EPG5: variants seen among roughly 807,000 people sequenced by gnomAD.
EPG5 encodes the protein ectopic P-granules 5 autophagy tethering factor, also known as ectopic P granules protein 5 homolog.
EPG5 carries 159 observed loss-of-function variants against 302.7 expected under a neutral mutation model. That is an observed-to-expected ratio of 0.53 (90% confidence interval 0.46 to 0.60). The LOEUF is 0.60. EPG5 is among the 20% of genes least tolerant of loss of function. The pLI is 0.00. For missense variants in EPG5, 2,896 were observed against 3,092.4 expected, an observed-to-expected ratio of 0.94 and a Z score of 1.51; for synonymous variants, 1,158 against 1,136.8, an observed-to-expected ratio of 1.02 and a Z score of -0.37.
At position 45,852,176 on chromosome 18, in the gene EPG5, C is replaced by T. The variant is rs182654539; in HGVS notation, c.*291G>A. The T allele has an allele frequency of 2.3e-4, 56 of 245,502 alleles. No homozygotes were observed. The Admixed American group carries it at 2.6e-3, about 11-fold the overall frequency. The allele number at this position is 245,502 out of a possible 1,614,324, so 15.2% of individuals were successfully genotyped here. On this transcript the variant is annotated 3_prime_UTR_variant, in exon 44 of 44. Coordinates refer to ENST00000282041, the MANE Select transcript of EPG5 (RefSeq NM_020964.3). ...GGTCTTGTGAGATGACTGGGACATT[C>T]GGCAACTGTGAGTGGCTCTGCACCC...
intron 30 of EPG5, among the ~76,000 whole-genome samples, chr18:45,883,411 TC>T (rs2145431265): frequency 6.6e-6 from 1 of 151,394 alleles, no homozygotes; most frequent in Non-Finnish European, 1.5e-5. Context: ...CATGTTCTCC[TC>T]CATTATAGGC....
chr18:45,953,264 T>C (rs1057257964), intron 2 of EPG5: 12 of 980,276 alleles, frequency 1.2e-5, no homozygotes, highest in Non-Finnish European at 1.5e-5. Flanking sequence ...CCTTCTATTT[T>C]ATGAATATGA....
chr18:45,884,385 CT>C (rs1173421291), intron 30 of EPG5, among the ~76,000 whole-genome samples: 1 of 152,166 alleles, frequency 6.6e-6, no homozygotes, highest in Non-Finnish European at 1.5e-5. Context: ...AAACCGGTCC[CT>C]GGTGCCAAAA....
rs763239543 is a variant in EPG5, at chr18:45,870,576, G to T, written c.6216C>A (p.Ala2072=). The T allele has an allele frequency of 1.2e-6, 2 of 1,612,354 alleles. No homozygotes were observed. The highest frequency in any genetic ancestry group is 1.7e-5 in the Admixed American group (1 of 59,954). Residue 2072 remains alanine, a synonymous_variant, in exon 36 of 44, where the codon GCC becomes GCA. Coordinates refer to ENST00000282041, the MANE Select transcript of EPG5 (RefSeq NM_020964.3). The part of the protein sequence containing the change: ...DLHPDQMLME[A]FFKVERGSPK... ...GGAATGAAGGGCTTACTTTGAAGAA[G>T]GCCTCCATGAGCATCTGGTCAGGGT...
At chr18:45,831,667 G>A in the EPG5 span, among the ~76,000 whole-genome samples, 1 of 152,086 alleles carries the variant, frequency 6.6e-6, no homozygotes, top group African/African-American at 2.4e-5. Flanking sequence ...TAAGGACAAG[G>A]ATTGGGCAAT....
chr18:45,967,034 G>T, intron 1 of EPG5, 143 bp downstream of exon 1: 1 of 734,068 alleles, frequency 1.4e-6, no homozygotes. Context: ...GTCAACGGGT[G>T]GTGGGATCAA....
chr18:45,917,139 C>T (rs1349493914), intron 17 of EPG5, among the ~76,000 whole-genome samples: 3 of 152,140 alleles, frequency 2.0e-5, no homozygotes, highest in Non-Finnish European at 4.4e-5. Context: ...TTTGGATGTA[C>T]TTCATGTCCC....
At chr18:45,929,746 T>A (rs1416200919) in intron 12 of EPG5, among the ~76,000 whole-genome samples, 1 of 152,176 alleles carries the variant, frequency 6.6e-6, no homozygotes, top group Non-Finnish European at 1.5e-5. Flanking sequence ...TCTCCCCAAG[T>A]TTTTCAGATC....
chr18:45,919,516 T>G (rs1244324004), intron 16 of EPG5, among the ~76,000 whole-genome samples: 9 of 148,286 alleles, frequency 6.1e-5, no homozygotes, highest in Admixed American at 6.1e-4. Context: ...CATGTGTGGT[T>G]TTTTTTTTTT....
intron 1 of EPG5, among the ~76,000 whole-genome samples, chr18:45,966,235 G>C (rs954435331): frequency 3.3e-5 from 5 of 151,812 alleles, no homozygotes; most frequent in Non-Finnish European, 7.4e-5. Context: ...AGCCGGGCGT[G>C]GTGGCAGGCG....
At chr18:45,868,187 C>A in intron 36 of EPG5, 1 of 455,662 alleles carries the variant, frequency 2.2e-6, no homozygotes, top group South Asian at 1.6e-5. Flanking sequence ...GACTGCTGGG[C>A]CTACCCCTAG....
chr18:45,903,668 T>C (rs548068365), intron 25 of EPG5, among the ~76,000 whole-genome samples: 8 of 152,206 alleles, frequency 5.3e-5, no homozygotes, highest in Admixed American at 6.5e-5. Flanking sequence ...TCTAGAAAAA[T>C]GTACTGGGAG....
chr18:45,882,795 G>T (rs1042556105), intron 30 of EPG5, among the ~76,000 whole-genome samples: 9 of 152,026 alleles, frequency 5.9e-5, no homozygotes. Context: ...ATCACCTGAG[G>T]TCGGGAGTTC....
At chr18:45,911,381 G>T (rs1475891072) in intron 22 of EPG5, among the ~76,000 whole-genome samples, 1 of 151,686 alleles carries the variant, frequency 6.6e-6, no homozygotes, top group Non-Finnish European at 1.5e-5. Flanking sequence ...CGCCTCCTGG[G>T]TTCACACCAT....
At chr18:45,902,912 C>A (rs1047994316) in intron 25 of EPG5, among the ~76,000 whole-genome samples, 2 of 152,178 alleles carry the variant, frequency 1.3e-5, no homozygotes, top group African/African-American at 4.8e-5. Flanking sequence ...AACCTAACAA[C>A]ATAGGGTTTT....
chr18:45,828,728 G>T, the EPG5 span, among the ~76,000 whole-genome samples: 2 of 152,164 alleles, frequency 1.3e-5, no homozygotes, highest in Non-Finnish European at 2.9e-5. Context: ...CACCTCTCCC[G>T]CACCCTCCTG....
intron 27 of EPG5, among the ~76,000 whole-genome samples, chr18:45,897,022 G>A (rs2049495352): frequency 6.6e-6 from 1 of 152,144 alleles, no homozygotes; most frequent in Non-Finnish European, 1.5e-5. Context: ...AATTAACAAA[G>A]CAAAAGATTA....
At chr18:45,842,079 G>T in the EPG5 span, 2 of 1,610,938 alleles carry the variant, frequency 1.2e-6, no homozygotes, top group Middle Eastern at 3.3e-4. Context: ...CTGTTTGGAT[G>T]ATCATTCAAC....
In EPG5 at chr18:45,917,683, C is replaced by T. The variant is rs199586840; in HGVS notation, c.3235G>A (p.Glu1079Lys). 242 of 1,613,986 alleles carry T rather than the reference C, an allele frequency of 1.5e-4. No individual in the cohort carries two copies. The highest frequency in any genetic ancestry group is 3.3e-5 in the Admixed American group (2 of 60,000). ...YPCQYYLLKN[E>K]QFLSHLLLFL... is the part of the protein sequence containing the mutation. The stretch of plus-strand genomic sequence containing the variant: ...CCATAGATGGAACACACTTACTGCT[C>T]ATTCTTCAGAAGGTAATACTGGCAA... Residue 1079 changes from glutamate (E) to lysine (K), a missense_variant, in exon 17 of 44, where the codon GAG becomes AAG. Glu to Lys is a moderately conservative substitution (Grantham distance 56). Transcript: ENST00000282041.
Sources: gnomAD v4.1 joint callset for allele counts (sites outside exome capture counted in the v4.1 genomes callset) on GRCh38, gnomAD v4.1.1 for gene constraint, MANE v1.5 for transcripts, NCBI Gene and HGNC (gene_info 2026-07-23, HGNC 2026-07-21) for gene names.